The following KLHL14 variants were observed in gnomAD, a reference collection of about 807,000 sequenced individuals.
The protein encoded by KLHL14 is kelch-like protein 14.
A neutral mutation model predicts 64.3 loss-of-function variants in KLHL14; 22 were observed. That is an observed-to-expected ratio of 0.34 (90% CI 0.24 to 0.49). The LOEUF is 0.49. KLHL14 is among the 20% of genes least tolerant of loss of function. The pLI is 0.99. For synonymous variants in KLHL14, 322 were observed against 333.4 expected, an observed-to-expected ratio of 0.97 and a Z score of 0.37; for missense variants, 661 against 789.0, an observed-to-expected ratio of 0.84 and a Z score of 1.94.
chr18:32,761,742 T>C (rs2050315416), intron 2 of KLHL14, among the ~76,000 whole-genome samples: 1 of 152,224 alleles, frequency 6.6e-6, no homozygotes, highest in Admixed American at 6.5e-5. Flanking sequence ...GGCTGTCTTG[T>C]TCAACTCTGT....
At position 32,698,730 on chromosome 18, in the gene KLHL14, A is replaced by G. The variant is rs148778471; in HGVS notation, c.1070-3178T>C. 3.0e-4 allele frequency among the ~76,000 whole-genome samples: 45 copies of G among 152,284 alleles called. 1 individual carries two copies. The East Asian group carries it at 8.5e-3, about 29-fold the overall frequency. ...TATTAAACAAACAGGTAGTGCTAGG[A>G]GAAAGAAAAAGCCAGAAAATTGGAG... On this transcript the variant is annotated intron_variant, in intron 3 of 8. Transcript: ENST00000359358.
Position 32,769,848 on chromosome 18 carries a change from G to A in KLHL14, c.744C>T (p.His248=), listed in dbSNP as rs1225062758. The A allele has an allele frequency of 1.2e-6, 2 of 1,613,756 alleles. No homozygotes were observed. The highest frequency in any genetic ancestry group is 8.5e-7 in the Non-Finnish European group (1 of 1,180,024). ...CATACTGCATGCGGGTCTCGCGGTC[G>A]TGCTCCAGCCACAGCACGGACATCT... ...LFQMSVLWLE[H]DRETRMQYAP... is the part of the protein sequence containing the mutation. The change falls in exon 2 of 9, where the codon CAC becomes CAT. Residue 248 remains histidine (H), a synonymous_variant. Transcript: ENST00000359358.
intron 3 of KLHL14, among the ~76,000 whole-genome samples, chr18:32,696,601 G>A (rs2049937901): frequency 6.6e-6 from 1 of 152,110 alleles, no homozygotes; most frequent in Non-Finnish European, 1.5e-5. Flanking sequence ...CCTTGACACG[G>A]ATCAACAGAG....
intron 2 of KLHL14, among the ~76,000 whole-genome samples, chr18:32,757,618 A>G (rs1353480109): frequency 2.6e-5 from 4 of 152,140 alleles, no homozygotes; most frequent in African/African-American, 9.7e-5. Flanking sequence ...TAATTATTGT[A>G]TTAACATTGC....
chr18:32,686,750 A>G (rs781565181), intron 5 of KLHL14, among the ~76,000 whole-genome samples: 3 of 152,176 alleles, frequency 2.0e-5, no homozygotes, highest in Non-Finnish European at 4.4e-5. Context: ...ATTGAATTTA[A>G]TATTAAATAA....
chr18:32,693,829 G>A (rs1024278797), intron 4 of KLHL14, among the ~76,000 whole-genome samples: 2 of 152,154 alleles, frequency 1.3e-5, no homozygotes, highest in East Asian at 1.9e-4. Context: ...ATGGGAGTCT[G>A]AATTAGTTCA....
chr18:32,769,252 C>A (rs942582581), intron 2 of KLHL14, among the ~76,000 whole-genome samples: 1 of 152,258 alleles, frequency 6.6e-6, no homozygotes, highest in Non-Finnish European at 1.5e-5. Context: ...ACCACAGGAT[C>A]CTTTTTCTTG....
At chr18:32,693,322 G>A (rs966584669) in intron 4 of KLHL14, among the ~76,000 whole-genome samples, 4 of 150,470 alleles carry the variant, frequency 2.7e-5, no homozygotes, top group Non-Finnish European at 5.9e-5. Context: ...ATGAGTCAGG[G>A]ACACAATGAC....
At chr18:32,759,697 T>TTCTCTCTCTC (rs140880053) in intron 2 of KLHL14, among the ~76,000 whole-genome samples, 244 of 148,476 alleles carry the variant, frequency 1.6e-3, no homozygotes, top group African/African-American at 5.4e-3. Context: ...CATTATAACC[T>TTCTCTCTCTC]TCTCTCTCTC....
chr18:32,756,381 A>G (rs958792549), intron 2 of KLHL14, among the ~76,000 whole-genome samples: 6 of 146,634 alleles, frequency 4.1e-5, no homozygotes, highest in African/African-American at 1.5e-4. Flanking sequence ...CCACTTGGAG[A>G]CTTTAGGGTT....
At chr18:32,679,000 C>T (rs1368724027) in intron 7 of KLHL14, among the ~76,000 whole-genome samples, 1 of 152,020 alleles carries the variant, frequency 6.6e-6, no homozygotes, top group Admixed American at 6.6e-5. Context: ...CAAAACATGT[C>T]GACGTAAAGG....
intron 3 of KLHL14, among the ~76,000 whole-genome samples, chr18:32,720,678 A>G (rs2050074198): frequency 7.0e-6 from 1 of 142,504 alleles, no homozygotes; most frequent in Non-Finnish European, 1.6e-5. Flanking sequence ...TTCAAGAGTA[A>G]CTAGAATAAA....
chr18:32,723,489 T>C (rs899596584), intron 3 of KLHL14, among the ~76,000 whole-genome samples: 1 of 152,188 alleles, frequency 6.6e-6, no homozygotes, highest in Non-Finnish European at 1.5e-5. Flanking sequence ...TTTCTTTTTC[T>C]GGGTCAGTGC....
Position 32,770,654 on chromosome 18 carries a change from G to T in KLHL14, c.-43-20C>A. ...TCCAACCTGGCAGACAGGGGTGGGG[G>T]ATGGGAGGGAGGGGAGCAGGGTGGT... On this transcript the variant is annotated intron_variant, in intron 1 of 8. Transcript: ENST00000359358. The surrounding 1 kb of genome is among the most constrained non-coding windows in gnomAD (Gnocchi z 6.7). The T allele has an allele frequency of 6.7e-5, 29 of 431,106 alleles. No homozygotes were observed. The highest frequency in any genetic ancestry group is 1.1e-4 in the Non-Finnish European group (25 of 234,976). The allele number at this position is 431,106 out of a possible 1,614,324, so 26.7% of individuals were successfully genotyped here. A position where few individuals can be genotyped will look rare whatever the true frequency, so the allele number is the denominator to read the frequency against.
chr18:32,719,112 G>A (rs554236205), intron 3 of KLHL14, among the ~76,000 whole-genome samples: 1 of 152,058 alleles, frequency 6.6e-6, no homozygotes, highest in Admixed American at 6.5e-5. Flanking sequence ...CCACACCTGG[G>A]TAATTTTGTA....
intron 5 of KLHL14, among the ~76,000 whole-genome samples, chr18:32,684,045 A>G (rs2049857735): frequency 6.6e-6 from 1 of 152,044 alleles, no homozygotes; most frequent in Non-Finnish European, 1.5e-5. Flanking sequence ...CTATTTTTTT[A>G]GATTAGCTAG....
At chr18:32,682,433 A>G (rs150776716) in intron 5 of KLHL14, among the ~76,000 whole-genome samples, 223 of 152,332 alleles carry the variant, frequency 1.5e-3, no homozygotes, top group African/African-American at 5.2e-3. Flanking sequence ...CATAAAGTAA[A>G]GACTTAACCA....
At chr18:32,713,548 G>C (rs976876338) in intron 3 of KLHL14, among the ~76,000 whole-genome samples, 1 of 152,164 alleles carries the variant, frequency 6.6e-6, no homozygotes, top group South Asian at 2.1e-4. Flanking sequence ...GAGCCCAGGA[G>C]TTTGAGACCA....
chr18:32,694,941 A>T lies in KLHL14; in HGVS notation c.1159+522T>A, dbSNP rs554238284. Among the ~76,000 whole-genome samples the T allele has an allele frequency of 5.3e-5, 8 of 152,258 alleles. No homozygotes were observed. In the East Asian group the frequency reaches 1.5e-3, roughly 29 times the overall value. On this transcript the variant is annotated intron_variant, in intron 4 of 8. Transcript: ENST00000359358. The stretch of plus-strand genomic sequence containing the variant: ...TGATGTAATCACATCTACGGGGAGG[A>T]TGGTGGATAATCTATGGAAGAAGCA...
Sources: gnomAD v4.1 joint callset for allele counts (sites outside exome capture counted in the v4.1 genomes callset) on GRCh38, gnomAD v4.1.1 for gene constraint, Gnocchi (gnomAD v3.1) non-coding constraint, MANE v1.5 for transcripts, NCBI Gene and HGNC (gene_info 2026-07-23, HGNC 2026-07-21) for gene names.